Variants in ELAPOR1 observed in about 807,000 individuals in gnomAD.
ELAPOR1 encodes endosome-lysosome associated apoptosis and autophagy regulator 1.
In ELAPOR1, 77 loss-of-function variants were observed where a neutral mutation model predicts 119.7. The ratio of observed to expected loss-of-function variants is 0.64; its 90% confidence interval spans 0.54 to 0.78. ELAPOR1 has a LOEUF of 0.78. ELAPOR1 is among the 30% of genes least tolerant of loss of function. The probability of loss-of-function intolerance (pLI) is 0.00; values close to 1 mark genes in which losing one functional copy is unlikely to be tolerated. For synonymous variants in ELAPOR1, 481 were observed against 487.2 expected (o/e 0.99, Z 0.17); for missense variants, 1,115 against 1,270.4 (o/e 0.88, Z 1.86).
At chr1:109,161,739 A>G (rs679224) in intron 1 of ELAPOR1, 155 bp from the exon 2 acceptor site, 99,746 of 750,548 alleles carry the variant, frequency 0.13, 7,844 homozygotes, top group Non-Finnish European at 0.16. Flanking sequence ...TAGTTCTTGT[A>G]CTCGGTTCAT....
chr1:109,173,723 C>A lies in ELAPOR1; in HGVS notation c.838C>A (p.Pro280Thr). 6.2e-7 allele frequency: 1 copy of A among 1,614,164 alleles called. No individual in the cohort carries two copies. Among genetic ancestry groups the A allele is most frequent in the Non-Finnish European group, 8.5e-7 (1 of 1,180,020 alleles). Residue 280 changes from proline to threonine, a missense_variant, in exon 7 of 22, where the codon CCT becomes ACT. Transcript: ENST00000369939. ...CACTTCAGAATGCTTCCCCTGCAAA[C>A]CTGGCACGTATGCAGACAAGCAGGG... ...AYTSECFPCK[P>T]GTYADKQGSS...
At chr1:109,198,226 G>T (rs1157138640) in intron 17 of ELAPOR1, 151 bp downstream of exon 17, 20 of 668,092 alleles carry the variant, frequency 3.0e-5, no homozygotes, top group Non-Finnish European at 5.0e-5. Context: ...GCTAAGGGCT[G>T]GGAGTTCCTG....
intron 18 of ELAPOR1, among the ~76,000 whole-genome samples, chr1:109,199,632 C>T (rs966026551): frequency 1.3e-5 from 2 of 152,196 alleles, no homozygotes; most frequent in Non-Finnish European, 2.9e-5. Flanking sequence ...AAAACATAAA[C>T]GGGCAGAGGG....
At chr1:109,185,816 A>G (rs1653007464) in intron 8 of ELAPOR1, among the ~76,000 whole-genome samples, 1 of 152,040 alleles carries the variant, frequency 6.6e-6, no homozygotes, top group Admixed American at 6.6e-5. Flanking sequence ...AGCCCAGAAG[A>G]GAAGCGACCA....
rs916148963 is a variant in ELAPOR1 at position 109,171,805 on chromosome 1, A to G, written c.468-61A>G. On this transcript the variant is annotated intron_variant, in intron 3 of 21. Coordinates refer to ENST00000369939, the MANE Select transcript of ELAPOR1 (RefSeq NM_020775.5). ...ACCCAGCAGAACATGAGACCTGCACATGGCACAAAGCCTGGTGGGCTGTGC... is the reference window on the plus strand; with the variant it reads ...ACCCAGCAGAACATGAGACCTGCACGTGGCACAAAGCCTGGTGGGCTGTGC... The G allele has an allele frequency of 1.3e-5, 20 of 1,572,216 alleles. No homozygotes were observed. In the Middle Eastern group the frequency reaches 5.7e-4, roughly 45 times the overall value.
At chr1:109,186,996 T>G (rs1653092437) in intron 8 of ELAPOR1, 6 of 985,564 alleles carry the variant, frequency 6.1e-6, no homozygotes, top group Non-Finnish European at 7.2e-6. Flanking sequence ...CGCATGAACA[T>G]GCATTCCCCA....
chr1:109,131,201 T>C (rs948775577), intron 1 of ELAPOR1, among the ~76,000 whole-genome samples: 19 of 152,218 alleles, frequency 1.2e-4, no homozygotes, highest in African/African-American at 3.6e-4. Flanking sequence ...GCCTCCTCCA[T>C]TGGGCTGCTT....
intron 3 of ELAPOR1, among the ~76,000 whole-genome samples, chr1:109,168,866 C>A (rs777175591): frequency 2.0e-5 from 3 of 152,016 alleles, no homozygotes; most frequent in Non-Finnish European, 1.5e-5. Flanking sequence ...TAGAGCGATG[C>A]CTGACACTAG....
chr1:109,116,826 G>A (rs1279785264), intron 1 of ELAPOR1, among the ~76,000 whole-genome samples: 1 of 152,002 alleles, frequency 6.6e-6, no homozygotes, highest in Non-Finnish European at 1.5e-5. Context: ...AAGTAGCTGG[G>A]ATTACAGGCA....
At chr1:109,122,357 A>G (rs1648489272) in intron 1 of ELAPOR1, among the ~76,000 whole-genome samples, 1 of 72,248 alleles carries the variant, frequency 1.4e-5, no homozygotes, top group Non-Finnish European at 2.8e-5. Flanking sequence ...CCTTTCCATT[A>G]AAAAAAAAAA....
intron 1 of ELAPOR1, among the ~76,000 whole-genome samples, chr1:109,119,792 G>A (rs1439483797): frequency 3.9e-5 from 6 of 152,140 alleles, no homozygotes; most frequent in African/African-American, 1.4e-4. Context: ...TTTTGAACCT[G>A]TCTTCTGGTG....
chr1:109,147,661 C>G (rs1650262531), intron 1 of ELAPOR1, among the ~76,000 whole-genome samples: 1 of 151,326 alleles, frequency 6.6e-6, no homozygotes, highest in Admixed American at 6.6e-5. Context: ...ACGAATGTAC[C>G]ACTCTGGTGG....
rs557051220 is a variant in ELAPOR1 at position 109,165,580 on chromosome 1, G to A, written c.467+889G>A. On this transcript the variant is annotated intron_variant, in intron 3 of 21. Transcript: ENST00000369939. ...GCCTGGGCAACAAGAGTGAAACTCC[G>A]TCTTAAAAAAAAAAAAAAAAGAAAA... Among the ~76,000 whole-genome samples, 454 of 141,800 alleles carry A rather than the reference G, an allele frequency of 3.2e-3. 1 individual carries two copies. The highest frequency in any genetic ancestry group is 3.6e-3 in the South Asian group (16 of 4,440). 93.0% of individuals were successfully genotyped at this position (141,800 alleles called of 152,430 possible). A position where few individuals can be genotyped will look rare whatever the true frequency, so the allele number is the denominator to read the frequency against.
chr1:109,144,033 T>TTATATATATATATATATA (rs1265476565), intron 1 of ELAPOR1, among the ~76,000 whole-genome samples: 1 of 91,828 alleles, frequency 1.1e-5, no homozygotes, highest in Non-Finnish European at 2.1e-5. Context: ...TTTTCTAAAA[T>TTATATATATATATATATA]TATATATATA....
At chr1:109,154,281 C>CAAAA (rs745938875) in intron 1 of ELAPOR1, among the ~76,000 whole-genome samples, 3 of 39,678 alleles carry the variant, frequency 7.6e-5, no homozygotes, top group African/African-American at 1.8e-4. Flanking sequence ...AACTCCGTCT[C>CAAAA]AAAAAAAAAA....
intron 1 of ELAPOR1, among the ~76,000 whole-genome samples, chr1:109,143,954 C>G (rs1649992857): frequency 6.7e-6 from 1 of 149,692 alleles, no homozygotes. Context: ...AGCCACTGCT[C>G]TTGGCCTAAA....
intron 1 of ELAPOR1, among the ~76,000 whole-genome samples, chr1:109,130,465 A>G (rs1213400396): frequency 1.3e-5 from 2 of 151,626 alleles, no homozygotes; most frequent in Non-Finnish European, 2.9e-5. Context: ...TCAGGTGGAA[A>G]GAATAGCATA....
In ELAPOR1 at chr1:109,173,806, T is replaced by G; in HGVS notation, c.921T>G (p.Ser307=). 6.2e-7 allele frequency: 1 copy of G among 1,614,100 alleles called. No individual in the cohort carries two copies. Among genetic ancestry groups the G allele is most frequent in the Non-Finnish European group, 8.5e-7 (1 of 1,180,008 alleles). ...ANSYSNKGET[S]CHQCDPDKYS... ...CTTATTCAAATAAAGGAGAAACTTC[T>G]TGCCACCAGTGTGACCCTGACAAAT... is the stretch of plus-strand genomic sequence containing the variant. The change falls in exon 7 of 22, where the codon TCT becomes TCG. Residue 307 remains serine, a synonymous_variant. Transcript: ENST00000369939.
At chr1:109,163,103 C>T (rs926734189) in intron 2 of ELAPOR1, among the ~76,000 whole-genome samples, 2 of 152,108 alleles carry the variant, frequency 1.3e-5, no homozygotes, top group Non-Finnish European at 1.5e-5. Context: ...ATGAGAGTTA[C>T]GAATATTTAG....
Sources: gnomAD v4.1 joint callset for allele counts (sites outside exome capture counted in the v4.1 genomes callset) on GRCh38, gnomAD v4.1.1 for gene constraint, MANE v1.5 for transcripts, NCBI Gene and HGNC (gene_info 2026-07-23, HGNC 2026-07-21) for gene names.